The following AR variants were observed in gnomAD, a reference collection of about 807,000 sequenced individuals.
AR encodes the protein androgen receptor.
A neutral mutation model predicts 53.9 loss-of-function variants in AR; 8 were observed. The ratio of observed to expected loss-of-function variants is 0.15; its 90% CI spans 0.09 to 0.27. The LOEUF (loss-of-function observed/expected upper bound fraction) is 0.27. AR is among the 10% of genes least tolerant of loss of function. The pLI is 1.00. For missense variants in AR, 639 were observed against 742.5 expected (o/e 0.86, Z 1.62); for synonymous variants, 359 against 316.4 (o/e 1.13, Z -1.43).
rs770236437 is a variant in AR, at chrX:67,545,705, G to A, written c.559G>A (p.Glu187Lys). Residue 187 changes from glutamate (E) to lysine (K), a missense_variant, in exon 1 of 8, where the codon GAG (glutamate) becomes AAG (lysine). Coordinates refer to ENST00000374690, the MANE Select transcript of AR (RefSeq NM_000044.6). ...CGCTGACCTTAAAGACATCCTGAGCGAGGCCAGCACCATGCAACTCCTTCA... is the reference window on the plus strand; with the variant it reads ...CGCTGACCTTAAAGACATCCTGAGCAAGGCCAGCACCATGCAACTCCTTCA... ...CSADLKDILS[E>K]ASTMQLLQQQ... 1 of 1,208,019 alleles carries A rather than the reference G, an allele frequency of 8.3e-7. No individual in the cohort carries two copies. The highest frequency in any genetic ancestry group is 3.0e-5 in the East Asian group (1 of 33,623).
intron 1 of AR, among the ~76,000 whole-genome samples, chrX:67,637,607 T>C (rs1289609447): frequency 9.2e-6 from 1 of 109,008 alleles, no homozygotes; most frequent in Non-Finnish European, 1.9e-5. Context: ...TTCCAAGTCT[T>C]TGCTATTGTG....
At chrX:67,547,050 A>C (rs1929794918) in intron 1 of AR, among the ~76,000 whole-genome samples, 1 of 111,100 alleles carries the variant, frequency 9.0e-6, no homozygotes, top group Non-Finnish European at 1.9e-5. Context: ...GGTCCCAAAC[A>C]GAAATCCTAT....
chrX:67,622,461 T>G, intron 1 of AR, among the ~76,000 whole-genome samples: 1 of 112,104 alleles, frequency 8.9e-6, no homozygotes, highest in Non-Finnish European at 1.9e-5. Context: ...GTCAGTGGGA[T>G]ACGCTGTTAA....
chrX:67,666,814 G>C (rs1234686311), intron 2 of AR, among the ~76,000 whole-genome samples: 1 of 111,649 alleles, frequency 9.0e-6, no homozygotes, highest in South Asian at 3.8e-4. Flanking sequence ...TGATCAGTGA[G>C]GTTGAGGACC....
intron 3 of AR, among the ~76,000 whole-genome samples, chrX:67,701,026 T>C (rs937867004): frequency 3.6e-5 from 4 of 111,615 alleles, no homozygotes; most frequent in African/African-American, 1.3e-4. Flanking sequence ...CAGAGAACAG[T>C]GTACATTCAC....
In AR at chrX:67,701,253, C is replaced by T. The variant is rs774702820; in HGVS notation, c.1886-10149C>T. 7.3e-4 allele frequency among the ~76,000 whole-genome samples: 81 copies of T among 111,455 alleles called. 1 individual carries two copies. The highest frequency in any genetic ancestry group is 3.1e-3 in the South Asian group (8 of 2,616). On this transcript the variant is annotated intron_variant, in intron 3 of 7. Transcript: ENST00000374690. ...TAGTTTAATAATTAAACTAAACTTACGTAGCCCACATGTGGCTAGTTGGCT... is the reference window on the plus strand; with the variant it reads ...TAGTTTAATAATTAAACTAAACTTATGTAGCCCACATGTGGCTAGTTGGCT...
At chrX:67,637,674 C>G (rs1264723859) in intron 1 of AR, among the ~76,000 whole-genome samples, 1 of 110,529 alleles carries the variant, frequency 9.0e-6, no homozygotes, top group African/African-American at 3.3e-5. Context: ...TAACTGTAGG[C>G]ACAATGTTGT....
chrX:67,624,815 T>C (rs1372474788), intron 1 of AR, among the ~76,000 whole-genome samples: 1 of 104,847 alleles, frequency 9.5e-6, no homozygotes, highest in Admixed American at 1.0e-4. Context: ...TTGAAATTTT[T>C]CCTTGTAAGA....
At chrX:67,588,801 C>T (rs1294525624) in intron 1 of AR, among the ~76,000 whole-genome samples, 6 of 112,075 alleles carry the variant, frequency 5.4e-5, no homozygotes, top group Non-Finnish European at 9.4e-5. Flanking sequence ...CAGAAGTCAG[C>T]TGTGGGGTGG....
intron 5 of AR, among the ~76,000 whole-genome samples, chrX:67,719,959 T>A (rs972164793): frequency 1.8e-5 from 2 of 112,308 alleles, no homozygotes; most frequent in Non-Finnish European, 3.8e-5. Context: ...TTTCTTTCTC[T>A]CTTTGTAGAG....
At chrX:67,641,066 A>G (rs1293278354) in intron 1 of AR, among the ~76,000 whole-genome samples, 1 of 111,770 alleles carries the variant, frequency 8.9e-6, no homozygotes, top group African/African-American at 3.3e-5. Context: ...AGATGCTAAG[A>G]GTTGAGTTGA....
chrX:67,583,849 A>G (rs1380050375), intron 1 of AR, among the ~76,000 whole-genome samples: 1 of 111,921 alleles, frequency 8.9e-6, no homozygotes, highest in Non-Finnish European at 1.9e-5. Context: ...TACACATGTG[A>G]TCTATACATT....
chrX:67,706,279 G>A (rs762971968), intron 3 of AR, among the ~76,000 whole-genome samples: 1 of 111,299 alleles, frequency 9.0e-6, no homozygotes, highest in South Asian at 3.8e-4. Context: ...TCTAGTCCTG[G>A]ACTTTTTTTG....
chrX:67,695,441 C>T, intron 3 of AR: 1 of 754,160 alleles, frequency 1.3e-6, no homozygotes, highest in Non-Finnish European at 1.6e-6. Flanking sequence ...TACATCTAGC[C>T]TTACTGTAGC....
Position 67,546,265 on chromosome X carries a change from A to ACCGCCGCCCCCT in AR, c.1128_1139dup (p.Pro378_Pro381dup), listed in dbSNP as rs1490902177. The stretch of plus-strand genomic sequence containing the variant: ...ACAACTTTCCACTGGCTCTGGCCGG[A>ACCGCCGCCCCCT]CCGCCGCCCCCTCCGCCGCCTCCCC... On this transcript the variant is annotated inframe_insertion, in exon 1 of 8. Transcript: ENST00000374690. 4.1e-6 allele frequency: 5 copies of ACCGCCGCCCCCT among 1,206,768 alleles called. No individual in the cohort carries two copies. Among genetic ancestry groups the ACCGCCGCCCCCT allele is most frequent in the Non-Finnish European group, 5.6e-6 (5 of 893,501 alleles).
intron 2 of AR, among the ~76,000 whole-genome samples, chrX:67,668,677 T>C (rs141596671): frequency 3.2e-3 from 352 of 111,395 alleles, no homozygotes; most frequent in African/African-American, 0.011. Context: ...ACTGAAGCCA[T>C]TGGGTCCTGG....
At chrX:67,723,312 C>CTCTGTGTGTGTG (rs1555997940) in intron 7 of AR, among the ~76,000 whole-genome samples, 1,506 of 77,958 alleles carry the variant, frequency 0.019, 119 homozygotes, top group African/African-American at 0.055. Context: ...GTTTGTCTGT[C>CTCTGTGTGTGTG]TGTGTGTGTG....
intron 1 of AR, among the ~76,000 whole-genome samples, chrX:67,554,271 A>G (rs191081354): frequency 2.7e-5 from 3 of 112,265 alleles, no homozygotes; most frequent in Non-Finnish European, 5.6e-5. Flanking sequence ...CACTAGCTAT[A>G]TTAGGCTTAT....
At chrX:67,695,738 A>AAAAC (rs1555992010) in intron 3 of AR, 1 of 688,386 alleles carries the variant, frequency 1.5e-6, no homozygotes, top group Non-Finnish European at 1.7e-6. Context: ...AGTCTGTCTA[A>AAAAC]ACACACACAC....
Sources: gnomAD v4.1 joint callset for allele counts (sites outside exome capture counted in the v4.1 genomes callset) on GRCh38, gnomAD v4.1.1 for gene constraint, MANE v1.5 for transcripts, NCBI Gene and HGNC (gene_info 2026-07-23, HGNC 2026-07-21) for gene names.